Variants in CACNA1D observed in about 807,000 individuals in gnomAD.
CACNA1D encodes the protein calcium voltage-gated channel subunit alpha1 D.
A neutral mutation model predicts 257.1 loss-of-function variants in CACNA1D; 55 were observed. The observed-to-expected ratio is 0.21, with a 90% confidence interval of 0.17 to 0.27. The LOEUF (loss-of-function observed/expected upper bound fraction) is 0.27, where lower values mean the gene tolerates loss of function less well. CACNA1D is among the 10% of genes least tolerant of loss of function. The pLI, the probability that CACNA1D is intolerant of heterozygous loss-of-function variation, is 1.00. For missense variants in CACNA1D, 1,876 were observed against 2,784.0 expected (o/e 0.67, Z 7.34); for synonymous variants, 980 against 1,014.9 (o/e 0.97, Z 0.65).
intron 3 of CACNA1D, among the ~76,000 whole-genome samples, chr3:53,505,495 G>C (rs1575694358): frequency 1.3e-5 from 2 of 152,192 alleles, no homozygotes; most frequent in African/African-American, 4.8e-5. Flanking sequence ...CTGATGCAGT[G>C]GTAGGGGTAT....
At chr3:53,523,916 G>A (rs2091669745) in intron 3 of CACNA1D, among the ~76,000 whole-genome samples, 2 of 152,224 alleles carry the variant, frequency 1.3e-5, no homozygotes, top group Admixed American at 1.3e-4. Flanking sequence ...AGCCTTGAGG[G>A]CAAGGACAGT....
Position 53,732,946 on chromosome 3 carries a change from C to G in CACNA1D, c.2605C>G (p.Leu869Val). 1 of 1,613,968 alleles carries G rather than the reference C, an allele frequency of 6.2e-7. No homozygotes were observed. Among genetic ancestry groups the G allele is most frequent in the Non-Finnish European group, 8.5e-7 (1 of 1,179,850 alleles). Residue 869 changes from leucine to valine, a missense_variant, in exon 19 of 48, where the codon CTT (leucine) becomes GTT (valine). This residue lies in a region of CACNA1D where 271 missense variants were observed against 425.5 expected (regional missense o/e 0.64). Coordinates refer to ENST00000350061, the MANE Select transcript of CACNA1D (RefSeq NM_001128840.3). ...PIPEGSAFFI[L>V]SKTNPIRVGC... ...CCCTGAAGGGAGCGCTTTCTTCATT[C>G]TTAGCAAGACCAACCCGTAAATACT...
chr3:53,652,765 A>C (rs2094110454), intron 4 of CACNA1D, among the ~76,000 whole-genome samples: 1 of 152,224 alleles, frequency 6.6e-6, no homozygotes, highest in African/African-American at 2.4e-5. Flanking sequence ...ATTTTTATAA[A>C]TAAAGTTTTA....
chr3:53,585,391 A>G (rs550191758), intron 3 of CACNA1D, among the ~76,000 whole-genome samples: 1 of 152,322 alleles, frequency 6.6e-6, no homozygotes, highest in African/African-American at 2.4e-5. Flanking sequence ...GCCTATTTAC[A>G]GTTAGAAGAA....
At chr3:53,776,386 T>A (rs1190700307) in intron 35 of CACNA1D, among the ~76,000 whole-genome samples, 1 of 152,210 alleles carries the variant, frequency 6.6e-6, no homozygotes, top group Non-Finnish European at 1.5e-5. Context: ...TGCAATGTGT[T>A]TCAGAAGGCC....
intron 3 of CACNA1D, among the ~76,000 whole-genome samples, chr3:53,559,541 T>A (rs372184844): frequency 6.6e-6 from 1 of 152,226 alleles, no homozygotes; most frequent in African/African-American, 2.4e-5. Flanking sequence ...TGGTTCAGTT[T>A]TCAAAGCCTT....
chr3:53,647,656 G>A (rs1258391533), intron 3 of CACNA1D, among the ~76,000 whole-genome samples: 8 of 152,166 alleles, frequency 5.3e-5, no homozygotes, highest in Admixed American at 2.6e-4. Context: ...TTTGTAAGGC[G>A]AATAATTATC....
chr3:53,723,510 A>G lies in CACNA1D; in HGVS notation c.1743A>G (p.Ala581=), dbSNP rs761559334. 6.2e-7 allele frequency: 1 copy of G among 1,614,072 alleles called. No homozygotes were observed. Among genetic ancestry groups the G allele is most frequent in the South Asian group, 1.1e-5 (1 of 91,068 alleles). Residue 581 remains alanine (A), a synonymous_variant, in exon 13 of 48, where the codon GCA becomes GCG. Transcript: ENST00000350061. The surrounding 1 kb of genome is among the most constrained non-coding windows in gnomAD (Gnocchi z 5.6). ...LVKMYSLGLQ[A]YFVSLFNRFD... is the part of the protein sequence containing the mutation. ...AAATGTACAGCTTGGGCCTCCAAGCATATTTCGTCTCTCTTTTCAACCGGT... is the reference window on the plus strand; with the variant it reads ...AAATGTACAGCTTGGGCCTCCAAGCGTATTTCGTCTCTCTTTTCAACCGGT...
At chr3:53,629,672 C>T (rs72976490) in intron 3 of CACNA1D, among the ~76,000 whole-genome samples, 6,389 of 152,122 alleles carry the variant, frequency 0.042, 441 homozygotes, top group African/African-American at 0.15. Context: ...TCGTTTTTCT[C>T]CCCCCAGCAC....
intron 3 of CACNA1D, among the ~76,000 whole-genome samples, chr3:53,621,895 TA>T (rs1343336670): frequency 6.6e-6 from 1 of 152,178 alleles, no homozygotes. Context: ...AAATGCAAGT[TA>T]AAACCATAGG....
chr3:53,516,307 C>T lies in CACNA1D; in HGVS notation c.483+14587C>T, dbSNP rs150607861. 1.0e-3 allele frequency among the ~76,000 whole-genome samples: 154 copies of T among 152,336 alleles called. 1 individual carries two copies. Among genetic ancestry groups the T allele is most frequent in the Non-Finnish European group, 1.6e-3 (107 of 68,026 alleles). ...CATAGGGTTTTGAGAATCAGTCACA[C>T]GGCACACCTGTTAAATCCCTGTGTT... is the stretch of plus-strand genomic sequence containing the variant. On this transcript the variant is annotated intron_variant, in intron 3 of 47. Coordinates refer to ENST00000350061, the MANE Select transcript of CACNA1D (RefSeq NM_001128840.3).
intron 30 of CACNA1D, 74 bp downstream of exon 30, chr3:53,762,155 G>A (rs2095307009): frequency 3.2e-6 from 3 of 925,006 alleles, no homozygotes; most frequent in Middle Eastern, 2.1e-4. Flanking sequence ...TCCCTGCCCT[G>A]CAGTGGCATC....
intron 3 of CACNA1D, among the ~76,000 whole-genome samples, chr3:53,617,671 C>A (rs561368893): frequency 1.3e-5 from 2 of 152,086 alleles, no homozygotes; most frequent in African/African-American, 4.8e-5. Context: ...AATTGACTAC[C>A]CAGCAAGGAC....
chr3:53,811,042 T>C lies in CACNA1D; in HGVS notation c.6193-71T>C. On this transcript the variant is annotated intron_variant, in intron 47 of 47. Transcript: ENST00000350061. The surrounding 1 kb of genome is among the most constrained non-coding windows in gnomAD (Gnocchi z 4.2). ...CAGTTAAGTTAGCACTGGAGTTGAT[T>C]TTTCTGTCGTCCCCCTGCCCTGCAA... The C allele has an allele frequency of 7.9e-7, 1 of 1,259,412 alleles. No homozygotes were observed. The highest frequency in any genetic ancestry group is 1.2e-5 in the South Asian group (1 of 83,466). 78.0% of individuals were successfully genotyped at this position (1,259,412 alleles called of 1,614,324 possible). A position where few individuals can be genotyped will look rare whatever the true frequency, so the allele number is the denominator to read the frequency against.
chr3:53,563,915 T>C (rs1471228752), intron 3 of CACNA1D, among the ~76,000 whole-genome samples: 5 of 152,202 alleles, frequency 3.3e-5, no homozygotes, highest in Non-Finnish European at 7.3e-5. Context: ...CAGGGTCCTA[T>C]TGTGGGTACA....
At position 53,540,802 on chromosome 3, in the gene CACNA1D, C is replaced by T. The variant is rs543550653; in HGVS notation, c.483+39082C>T. ...TGTCACCCATGCTGGAGTGCAATGG[C>T]GTGATCTCGGCTCACTGCTACCTCC... On this transcript the variant is annotated intron_variant, in intron 3 of 47. Coordinates refer to ENST00000350061, the MANE Select transcript of CACNA1D (RefSeq NM_001128840.3). Among the ~76,000 whole-genome samples, 27 of 152,162 alleles carry T rather than the reference C, an allele frequency of 1.8e-4. No individual in the cohort carries two copies. In the South Asian group the frequency reaches 2.1e-3, roughly 12 times the overall value.
At chr3:53,648,377 G>T (rs542689490) in intron 3 of CACNA1D, among the ~76,000 whole-genome samples, 4 of 152,234 alleles carry the variant, frequency 2.6e-5, no homozygotes, top group African/African-American at 9.6e-5. Context: ...AGGGATTTTT[G>T]CCTCTGGTTG....
At position 53,808,780 on chromosome 3, in the gene CACNA1D, C is replaced by T. The variant is rs777819021; in HGVS notation, c.5871+10C>T. 6.2e-7 allele frequency: 1 copy of T among 1,604,846 alleles called. No homozygotes were observed. Among genetic ancestry groups the T allele is most frequent in the Non-Finnish European group, 8.5e-7 (1 of 1,179,918 alleles). On this transcript the variant is annotated intron_variant, in intron 46 of 47. Coordinates refer to ENST00000350061, the MANE Select transcript of CACNA1D (RefSeq NM_001128840.3). ...TCTAATGCAGCAACAGGTGAGCGGC[C>T]CACCTGGCCTTGCCCCCACACCTAG...
At chr3:53,667,102 T>C (rs1018188243) in intron 7 of CACNA1D, among the ~76,000 whole-genome samples, 11 of 152,146 alleles carry the variant, frequency 7.2e-5, no homozygotes, top group Admixed American at 5.2e-4. Context: ...CACAAAACCT[T>C]AGCTGTCTTC....
Sources: allele counts gnomAD v4.1 joint callset (sites outside exome capture counted in the v4.1 genomes callset), GRCh38; gene constraint gnomAD v4.1.1; regional missense constraint gnomAD v4.1.1; non-coding constraint Gnocchi (gnomAD v3.1); transcripts MANE v1.5; gene names NCBI Gene and HGNC (gene_info 2026-07-23, HGNC 2026-07-21).